The following AP3S2 variants were observed in gnomAD, a reference collection of about 807,000 sequenced individuals.
The protein encoded by AP3S2 is AP-3 complex subunit sigma-2.
A neutral mutation model predicts 23.4 loss-of-function variants in AP3S2; 22 were observed. That is an observed-to-expected ratio of 0.94 (90% CI 0.67 to 1.34). The LOEUF is 1.34. Ranked by LOEUF, AP3S2 falls within the 40% of genes most tolerant of loss-of-function variation. AP3S2 has a pLI of 0.00. For missense variants in AP3S2, 241 were observed against 236.9 expected (o/e 1.02, Z -0.11); for synonymous variants, 86 against 87.1 (o/e 0.99, Z 0.07).
At chr15:89,851,570 C>T (rs1422742267) in intron 4 of AP3S2, among the ~76,000 whole-genome samples, 2 of 152,154 alleles carry the variant, frequency 1.3e-5, no homozygotes, top group Non-Finnish European at 2.9e-5. Flanking sequence ...AACTCCTGAC[C>T]TTGTGATCTG....
In AP3S2 at chr15:89,835,377, A is replaced by G. The variant is rs1395409485; in HGVS notation, c.*138T>C. On this transcript the variant is annotated 3_prime_UTR_variant, in exon 6 of 6. Transcript: ENST00000336418. ...ATCCCTTCCCTATTCCATGCCAAACAGTCTTCCCCAGACACAAAGTTTCCA... is the reference window on the plus strand; with the variant it reads ...ATCCCTTCCCTATTCCATGCCAAACGGTCTTCCCCAGACACAAAGTTTCCA... 3.8e-5 allele frequency: 54 copies of G among 1,432,378 alleles called. No individual in the cohort carries two copies. In the East Asian group the frequency reaches 1.2e-3, roughly 32 times the overall value. The allele number at this position is 1,432,378 out of a possible 1,614,324, so 88.7% of individuals were successfully genotyped here. A position where few individuals can be genotyped will look rare whatever the true frequency, so the allele number is the denominator to read the frequency against.
intron 3 of AP3S2, among the ~76,000 whole-genome samples, chr15:89,874,044 C>T (rs1018925464): frequency 7.3e-5 from 11 of 151,094 alleles, no homozygotes; most frequent in African/African-American, 2.7e-4. Context: ...CCATGCCTGG[C>T]TAAAATACTT....
Position 89,871,457 on chromosome 15 carries a change from A to G in AP3S2, c.345+18T>C. On this transcript the variant is annotated intron_variant, in intron 4 of 5. Coordinates refer to ENST00000336418, the MANE Select transcript of AP3S2 (RefSeq NM_005829.5). ...TTCTAGTAACCCTAGTTTGGAAGAGAACTGCAAGAGAATATACCTTATCCA... is the reference window on the plus strand; with the variant it reads ...TTCTAGTAACCCTAGTTTGGAAGAGGACTGCAAGAGAATATACCTTATCCA... 1 of 1,607,338 alleles carries G rather than the reference A, an allele frequency of 6.2e-7. No homozygotes were observed. Among genetic ancestry groups the G allele is most frequent in the South Asian group, 1.1e-5 (1 of 89,086 alleles).
Position 89,866,555 on chromosome 15 carries a change from G to C in AP3S2, c.345+4920C>G, listed in dbSNP as rs797010477. Among the ~76,000 whole-genome samples the C allele has an allele frequency of 2.7e-5, 4 of 150,310 alleles. No individual in the cohort carries two copies. The South Asian group carries it at 6.3e-4, about 24-fold the overall frequency. On this transcript the variant is annotated intron_variant, in intron 4 of 5. Coordinates refer to ENST00000336418, the MANE Select transcript of AP3S2 (RefSeq NM_005829.5). ...GGCTGAAGTGCAATGGCATGATCTC[G>C]GCTCCCTGCAACCTCTGCCTCCTGG...
At chr15:89,880,842 C>G (rs1323568469) in intron 3 of AP3S2, among the ~76,000 whole-genome samples, 1 of 152,126 alleles carries the variant, frequency 6.6e-6, no homozygotes, top group Non-Finnish European at 1.5e-5. Flanking sequence ...TGACTACATG[C>G]TAGGAACATA....
intron 4 of AP3S2, among the ~76,000 whole-genome samples, chr15:89,847,189 C>A (rs1319389929): frequency 1.3e-5 from 2 of 150,950 alleles, no homozygotes; most frequent in Non-Finnish European, 1.5e-5. Context: ...CCAGCCTGGG[C>A]AACATAGTGA....
intron 4 of AP3S2, among the ~76,000 whole-genome samples, chr15:89,847,895 G>C (rs963925930): frequency 2.6e-5 from 4 of 152,118 alleles, no homozygotes; most frequent in African/African-American, 4.8e-5. Flanking sequence ...TGGTACCAGA[G>C]AGCACCCCTG....
rs754850771 is a variant in AP3S2 at position 89,835,481 on chromosome 15, C to G, written c.*34G>C. ...GCTTGCCTTGCTTGTCTTTGCTTGT[C>G]TTAAGGACTCTATTTCAGGCCAATA... On this transcript the variant is annotated 3_prime_UTR_variant, in exon 6 of 6. Coordinates refer to ENST00000336418, the MANE Select transcript of AP3S2 (RefSeq NM_005829.5). The G allele has an allele frequency of 6.2e-7, 1 of 1,612,576 alleles. No individual in the cohort carries two copies. The highest frequency in any genetic ancestry group is 1.1e-5 in the South Asian group (1 of 90,814).
At chr15:89,888,961 C>T (rs750740212) in intron 2 of AP3S2, 88 bp downstream of exon 2, 1 of 1,486,908 alleles carries the variant, frequency 6.7e-7, no homozygotes, top group South Asian at 1.2e-5. Flanking sequence ...CAAGTACCCA[C>T]CTGACACTTG....
At chr15:89,869,811 T>C (rs1455235960) in intron 4 of AP3S2, among the ~76,000 whole-genome samples, 1 of 151,910 alleles carries the variant, frequency 6.6e-6, no homozygotes, top group Non-Finnish European at 1.5e-5. Context: ...TGGAGAGCAG[T>C]GGCGCGACCT....
At chr15:89,848,399 C>T (rs1483465061) in intron 4 of AP3S2, among the ~76,000 whole-genome samples, 2 of 152,242 alleles carry the variant, frequency 1.3e-5, no homozygotes, top group Admixed American at 6.5e-5. Context: ...CTCGCTCTGT[C>T]GCCCAGGCTG....
At chr15:89,876,648 T>G (rs1223767226) in intron 3 of AP3S2, 2 of 152,916 alleles carry the variant, frequency 1.3e-5, no homozygotes, top group Admixed American at 6.5e-5. Flanking sequence ...AGTTCATCTC[T>G]CTTCAGAGGC....
At chr15:89,876,014 G>C (rs1397484570) in intron 3 of AP3S2, among the ~76,000 whole-genome samples, 1 of 152,174 alleles carries the variant, frequency 6.6e-6, no homozygotes, top group Non-Finnish European at 1.5e-5. Context: ...TCAAGAAGCA[G>C]AAGTCACTCA....
At chr15:89,858,489 A>AGAGAGAG (rs1567178678) in intron 4 of AP3S2, among the ~76,000 whole-genome samples, 3 of 41,842 alleles carry the variant, frequency 7.2e-5, no homozygotes, top group Admixed American at 3.2e-4. Flanking sequence ...GAAAGAAAGA[A>AGAGAGAG]AGAAAGAGAG....
At chr15:89,842,642 C>T (rs1895356865) in intron 4 of AP3S2, among the ~76,000 whole-genome samples, 1 of 152,220 alleles carries the variant, frequency 6.6e-6, no homozygotes, top group Admixed American at 6.5e-5. Flanking sequence ...GAGACGGAGT[C>T]TCGCTCTGTT....
intron 4 of AP3S2, among the ~76,000 whole-genome samples, chr15:89,860,818 C>G (rs1400466596): frequency 1.3e-5 from 2 of 152,188 alleles, no homozygotes; most frequent in African/African-American, 2.4e-5. Context: ...GGTCTCAGCT[C>G]TCTTCTTCTC....
At chr15:89,858,493 A>AAGAGAG (rs143172663) in intron 4 of AP3S2, among the ~76,000 whole-genome samples, 141 of 60,252 alleles carry the variant, frequency 2.3e-3, no homozygotes, top group Middle Eastern at 0.017. Context: ...GAAAGAAAGA[A>AAGAGAG]AGAGAGAGAG....
At chr15:89,856,701 CAAAAAAA>C (rs34735772) in intron 4 of AP3S2, among the ~76,000 whole-genome samples, 3 of 75,110 alleles carry the variant, frequency 4.0e-5, no homozygotes, top group Non-Finnish European at 7.6e-5. Flanking sequence ...GACTCCATCT[CAAAAAAA>C]AAAAAAAAAA....
intron 4 of AP3S2, among the ~76,000 whole-genome samples, chr15:89,853,836 C>CAG (rs1895726730): frequency 1.3e-5 from 1 of 79,652 alleles, no homozygotes; most frequent in South Asian, 5.4e-4. Flanking sequence ...CTCTGCCCGG[C>CAG]CGCCCCGTCT....
Sources: allele counts gnomAD v4.1 joint callset (sites outside exome capture counted in the v4.1 genomes callset), GRCh38; gene constraint gnomAD v4.1.1; transcripts MANE v1.5; gene names NCBI Gene and HGNC (gene_info 2026-07-23, HGNC 2026-07-21).